Variants in INO80 observed in about 807,000 individuals in gnomAD.
INO80 encodes the protein INO80 complex ATPase subunit.
A neutral mutation model predicts 203.4 loss-of-function variants in INO80; 20 were observed. The ratio of observed to expected loss-of-function variants is 0.10; its 90% CI spans 0.07 to 0.14. The LOEUF (loss-of-function observed/expected upper bound fraction) is 0.14. INO80 is among the 10% of genes least tolerant of loss of function. The pLI is 1.00. For missense variants in INO80, 1,419 were observed against 1,914.4 expected (o/e 0.74, Z 4.83); for synonymous variants, 726 against 685.2 (o/e 1.06, Z -0.93).
At chr15:41,101,916 G>A (rs1482939272) in intron 1 of INO80, among the ~76,000 whole-genome samples, 1 of 151,906 alleles carries the variant, frequency 6.6e-6, no homozygotes, top group Non-Finnish European at 1.5e-5. Flanking sequence ...TTCTTGGCGG[G>A]CATGGTGGCT....
intron 7 of INO80, among the ~76,000 whole-genome samples, chr15:41,083,276 CAAA>C (rs1250245997): frequency 1.0e-4 from 7 of 66,972 alleles, no homozygotes; most frequent in Admixed American, 1.8e-4. Flanking sequence ...GACTCCGTCT[CAAA>C]AAAAAAAAAA....
Position 40,997,703 on chromosome 15 carries a change from T to G in INO80, c.3498-102A>C. ...GAATACAGAACATAAAGTCTAGGAC[T>G]AAAAAGAGTTTTGGTGGTTACCTAG... On this transcript the variant is annotated intron_variant, in intron 28 of 35. Coordinates refer to ENST00000648947, the MANE Select transcript of INO80 (RefSeq NM_017553.3). The G allele has an allele frequency of 3.9e-6, 3 of 764,768 alleles. No homozygotes were observed. In the South Asian group the frequency reaches 4.3e-5, roughly 11 times the overall value. The allele number at this position is 764,768 out of a possible 1,614,324, so 47.4% of individuals were successfully genotyped here. A position where few individuals can be genotyped will look rare whatever the true frequency, so the allele number is the denominator to read the frequency against.
At chr15:40,988,052 GT>G in intron 29 of INO80, 78 bp from the exon 30 acceptor site, 1 of 1,274,188 alleles carries the variant, frequency 7.8e-7, no homozygotes, top group African/African-American at 1.5e-5. Flanking sequence ...CCAATTGTCT[GT>G]TTGCGAGTTT....
At position 40,985,381 on chromosome 15, in the gene INO80, C is replaced by T. The variant is rs769345637; in HGVS notation, c.3878G>A (p.Arg1293Gln). The change falls in exon 32 of 36, where the codon CGA becomes CAA. Residue 1293 changes from arginine to glutamine, a missense_variant. This residue lies in a region of INO80 where 214 missense variants were observed against 248.9 expected (regional missense o/e 0.86). Coordinates refer to ENST00000648947, the MANE Select transcript of INO80 (RefSeq NM_017553.3). ...CCGCTTCCGCTTGCGCTCTTTCACTCGGTTGGTTTCCTCCTGTTGCCGTTT... is the reference window on the plus strand; with the variant it reads ...CCGCTTCCGCTTGCGCTCTTTCACTTGGTTGGTTTCCTCCTGTTGCCGTTT... Reference protein sequence around the residue: ...EEKRQQEETNRVKERKRKREK... With the variant: ...EEKRQQEETNQVKERKRKREK... 4.3e-6 allele frequency: 7 copies of T among 1,614,020 alleles called. No individual in the cohort carries two copies. Among genetic ancestry groups the T allele is most frequent in the South Asian group, 1.1e-5 (1 of 91,076 alleles).
chr15:41,052,857 CAAAAAA>C (rs886971015), intron 19 of INO80, among the ~76,000 whole-genome samples: 48 of 93,554 alleles, frequency 5.1e-4, no homozygotes, highest in Non-Finnish European at 2.1e-4. Context: ...CTGGTCGCTA[CAAAAAA>C]AAAAAAAAAA....
At chr15:41,019,358 G>A (rs144685537) in intron 26 of INO80, 3 of 152,376 alleles carry the variant, frequency 2.0e-5, no homozygotes, top group African/African-American at 7.2e-5. Flanking sequence ...TGAGGAGCTG[G>A]TTGGTTCTCA....
chr15:41,043,553 T>C (rs2044703390), intron 24 of INO80, among the ~76,000 whole-genome samples: 1 of 152,234 alleles, frequency 6.6e-6, no homozygotes, highest in African/African-American at 2.4e-5. Flanking sequence ...AAGGAAATCA[T>C]GTGAGCTTTT....
chr15:40,983,121 G>T, intron 34 of INO80, 44 bp from the exon 35 acceptor site: 5 of 1,330,792 alleles, frequency 3.8e-6, no homozygotes, highest in Middle Eastern at 3.7e-4. Context: ...AAAAAAAAAA[G>T]TCAATCTCCA....
chr15:41,068,158 G>C (rs1011458723), intron 14 of INO80, among the ~76,000 whole-genome samples: 3 of 152,146 alleles, frequency 2.0e-5, no homozygotes, highest in East Asian at 3.9e-4. Context: ...TTGGTGGCTC[G>C]TGCCTGTAAT....
intron 24 of INO80, among the ~76,000 whole-genome samples, chr15:41,041,684 C>T (rs1475393869): frequency 2.0e-5 from 3 of 152,108 alleles, no homozygotes; most frequent in Admixed American, 6.6e-5. Context: ...CTCAGGTGCT[C>T]TGCCCGCCTT....
intron 32 of INO80, among the ~76,000 whole-genome samples, chr15:40,984,852 C>A (rs1241922214): frequency 1.3e-5 from 2 of 152,074 alleles, no homozygotes; most frequent in Non-Finnish European, 2.9e-5. Flanking sequence ...GTTTTTAAGA[C>A]AAATTTTTAA....
intron 13 of INO80, among the ~76,000 whole-genome samples, chr15:41,069,978 T>A (rs1023087046): frequency 7.2e-5 from 11 of 152,240 alleles, no homozygotes; most frequent in Non-Finnish European, 1.3e-4. Flanking sequence ...AATCTTGTAG[T>A]TATTTAATAG....
At chr15:41,085,631 C>A in intron 6 of INO80, 48 bp from the exon 7 acceptor site, 1 of 1,456,084 alleles carries the variant, frequency 6.9e-7, no homozygotes. Flanking sequence ...AGGAGATAGT[C>A]ACAAAGCAAC....
chr15:40,999,458 A>G (rs552780183), intron 28 of INO80: 6 of 152,344 alleles, frequency 3.9e-5, no homozygotes, highest in African/African-American at 1.4e-4. Context: ...TGTCCTGTAC[A>G]AATCTGCCCA....
At chr15:41,010,604 A>G (rs1203071229) in intron 27 of INO80, among the ~76,000 whole-genome samples, 1 of 152,170 alleles carries the variant, frequency 6.6e-6, no homozygotes, top group Non-Finnish European at 1.5e-5. Flanking sequence ...AGGGATGATC[A>G]GTACTACTAA....
chr15:41,114,437 G>A (rs541032157), intron 1 of INO80, among the ~76,000 whole-genome samples: 5 of 152,236 alleles, frequency 3.3e-5, no homozygotes, highest in East Asian at 1.9e-4. Context: ...GGCCATGTGC[G>A]GTGGCTCATG....
chr15:40,996,082 C>A (rs972584931), intron 29 of INO80, among the ~76,000 whole-genome samples: 1 of 152,084 alleles, frequency 6.6e-6, no homozygotes, highest in African/African-American at 2.4e-5. Flanking sequence ...TGAATCTATT[C>A]AAGCCTCTAC....
At chr15:41,104,548 T>A (rs2045855308) in intron 1 of INO80, among the ~76,000 whole-genome samples, 1 of 151,840 alleles carries the variant, frequency 6.6e-6, no homozygotes, top group East Asian at 1.9e-4. Flanking sequence ...TTTTCTTTTC[T>A]TTTTTTTAAA....
Position 40,987,134 on chromosome 15 carries a change from C to T in INO80, c.3789G>A (p.Glu1263=), listed in dbSNP as rs1330493981. ...CGTCGTCTAGAAGAAGACTAACCAC[C>T]TCTTTGGGTTTCAAGGTATCTGGTT... ...NFKPDTLKPK[E]VVSLLLDDEE... is the part of the protein sequence containing the mutation. The change falls in exon 31 of 36, where the codon GAG becomes GAA. Residue 1263 remains glutamate (E), a synonymous_variant. Coordinates refer to ENST00000648947, the MANE Select transcript of INO80 (RefSeq NM_017553.3). 1 of 1,613,718 alleles carries T rather than the reference C, an allele frequency of 6.2e-7. No individual in the cohort carries two copies. Among genetic ancestry groups the T allele is most frequent in the East Asian group, 2.2e-5 (1 of 44,882 alleles).
Sources: allele counts gnomAD v4.1 joint callset (sites outside exome capture counted in the v4.1 genomes callset), GRCh38; gene constraint gnomAD v4.1.1; regional missense constraint gnomAD v4.1.1; transcripts MANE v1.5; gene names NCBI Gene and HGNC (gene_info 2026-07-23, HGNC 2026-07-21).